Variants in PPP2R5A observed in about 807,000 individuals in gnomAD.
The protein encoded by PPP2R5A is serine/threonine-protein phosphatase 2A 56 kDa regulatory subunit alpha isoform.
PPP2R5A carries 25 observed loss-of-function variants against 64.2 expected under a neutral mutation model. That is an observed-to-expected ratio of 0.39 (90% CI 0.28 to 0.54). PPP2R5A has a LOEUF of 0.54. PPP2R5A is among the 20% of genes least tolerant of loss of function. PPP2R5A has a pLI of 0.67. For synonymous variants in PPP2R5A, 198 were observed against 201.2 expected (o/e 0.98, Z 0.13); for missense variants, 425 against 576.3 (o/e 0.74, Z 2.69).
Position 212,329,170 on chromosome 1 carries a change from C to A in PPP2R5A, c.217C>A (p.Gln73Lys). The A allele has an allele frequency of 6.4e-7, 1 of 1,553,030 alleles. No homozygotes were observed. The highest frequency in any genetic ancestry group is 1.3e-5 in the South Asian group (1 of 79,100). Residue 73 changes from glutamine (Q) to lysine (K), a missense_variant, in exon 2 of 13, where the codon CAG (glutamine) becomes AAG (lysine). Physicochemically the swap from Gln to Lys is moderately conservative, Grantham distance 53. This residue lies in a region of PPP2R5A where 104 missense variants were observed against 95.7 expected (regional missense o/e 1.09). Transcript: ENST00000261461. The part of the protein sequence containing the change: ...TSNEQQELFC[Q>K]KLQQCCILFD... Reference sequence around the variant, plus strand: ...AAATGAACAACAAGAGCTTTTCTGTCAGAAGTTGCAGCAGTGTTGTATACT... The same window carrying A: ...AAATGAACAACAAGAGCTTTTCTGTAAGAAGTTGCAGCAGTGTTGTATACT...
intron 12 of PPP2R5A, among the ~76,000 whole-genome samples, chr1:212,359,265 T>C (rs1485985771): frequency 1.3e-5 from 2 of 152,250 alleles, no homozygotes; most frequent in Non-Finnish European, 2.9e-5. Context: ...AAGTGTTCTT[T>C]GTTAGCAGTA....
chr1:212,338,116 A>G (rs1307423580), intron 3 of PPP2R5A, among the ~76,000 whole-genome samples: 1 of 151,932 alleles, frequency 6.6e-6, no homozygotes, highest in East Asian at 1.9e-4. Context: ...TATAGGTCTT[A>G]TTTTTCAGAT....
intron 1 of PPP2R5A, among the ~76,000 whole-genome samples, chr1:212,323,427 T>C (rs950796235): frequency 2.0e-5 from 3 of 152,362 alleles, no homozygotes; most frequent in Middle Eastern, 3.4e-3. Context: ...GACTGCTCAA[T>C]AGACATTATA....
rs555678929 is a variant in PPP2R5A at position 212,316,305 on chromosome 1, G to C, written c.182-12830G>C. ...GAAGGACATTAAAAGTGCTACTCCAGTGACCGCATGAATGATAGGAAAGCA... is the reference window on the plus strand; with the variant it reads ...GAAGGACATTAAAAGTGCTACTCCACTGACCGCATGAATGATAGGAAAGCA... On this transcript the variant is annotated intron_variant, in intron 1 of 12. Transcript: ENST00000261461. Among the ~76,000 whole-genome samples, 4 of 152,328 alleles carry C rather than the reference G, an allele frequency of 2.6e-5. No individual in the cohort carries two copies. The East Asian group carries it at 7.7e-4, about 29-fold the overall frequency.
At chr1:212,346,282 A>G (rs1315596050) in intron 5 of PPP2R5A, among the ~76,000 whole-genome samples, 1 of 151,990 alleles carries the variant, frequency 6.6e-6, no homozygotes, top group African/African-American at 2.4e-5. Flanking sequence ...AACGTAGTAT[A>G]TATGTAACAT....
chr1:212,296,244 G>C (rs1407184263), intron 1 of PPP2R5A, among the ~76,000 whole-genome samples: 1 of 151,828 alleles, frequency 6.6e-6, no homozygotes, highest in African/African-American at 2.4e-5. Flanking sequence ...ATCAGGTATA[G>C]AGGGAAAATC....
At position 212,331,167 on chromosome 1, in the gene PPP2R5A, C is replaced by CA. The variant is rs10712005; in HGVS notation, c.378+1854dup. Among the ~76,000 whole-genome samples the CA allele has an allele frequency of 2.1e-3, 239 of 112,152 alleles. 1 individual carries two copies. Among genetic ancestry groups the CA allele is most frequent in the Middle Eastern group, 0.013 (3 of 236 alleles). 73.6% of individuals were successfully genotyped at this position (112,152 alleles called of 152,430 possible). ...TGGGCGACAGAATGAGACCTTGTCT[C>CA]AAAAAAAAAAAAAAAAAAGAGAGTG... On this transcript the variant is annotated intron_variant, in intron 2 of 12. Coordinates refer to ENST00000261461, the MANE Select transcript of PPP2R5A (RefSeq NM_006243.4).
At chr1:212,332,668 C>T (rs900640977) in intron 2 of PPP2R5A, among the ~76,000 whole-genome samples, 2 of 151,952 alleles carry the variant, frequency 1.3e-5, no homozygotes, top group Non-Finnish European at 2.9e-5. Context: ...GGCATTCTAC[C>T]CTCACTCACC....
At position 212,329,120 on chromosome 1, in the gene PPP2R5A, T is replaced by C; in HGVS notation, c.182-15T>C. ...AGTAGGTTATTTCTAAGTTTTTCTT[T>C]ATTTTTATTTATAGATGCCACTTCA... On this transcript the variant is annotated splice_polypyrimidine_tract_variant and intron_variant, in intron 1 of 12. Coordinates refer to ENST00000261461, the MANE Select transcript of PPP2R5A (RefSeq NM_006243.4). The C allele has an allele frequency of 6.8e-7, 1 of 1,464,930 alleles. No individual in the cohort carries two copies. Among genetic ancestry groups the C allele is most frequent in the Non-Finnish European group, 9.1e-7 (1 of 1,103,156 alleles). The allele number at this position is 1,464,930 out of a possible 1,614,324, so 90.7% of individuals were successfully genotyped here.
At chr1:212,331,196 CT>C (rs1422576638) in intron 2 of PPP2R5A, among the ~76,000 whole-genome samples, 1 of 148,236 alleles carries the variant, frequency 6.7e-6, no homozygotes, top group African/African-American at 2.5e-5. Flanking sequence ...GAGAGTGTCT[CT>C]TTTCCCAGGC....
intron 2 of PPP2R5A, among the ~76,000 whole-genome samples, chr1:212,331,196 CTT>C (rs1422576638): frequency 6.7e-6 from 1 of 148,236 alleles, no homozygotes; most frequent in Non-Finnish European, 1.5e-5. Context: ...GAGAGTGTCT[CTT>C]TTCCCAGGCT....
At chr1:212,308,620 G>A (rs921141957) in intron 1 of PPP2R5A, among the ~76,000 whole-genome samples, 1 of 151,988 alleles carries the variant, frequency 6.6e-6, no homozygotes, top group Non-Finnish European at 1.5e-5. Context: ...TGCTGGCTAG[G>A]CTGGTCTCAA....
chr1:212,353,878 A>G (rs1399182876), intron 8 of PPP2R5A, among the ~76,000 whole-genome samples: 1 of 152,150 alleles, frequency 6.6e-6, no homozygotes, highest in African/African-American at 2.4e-5. Flanking sequence ...CTGCATAATG[A>G]CATTTCGTTT....
At chr1:212,309,200 G>A in intron 1 of PPP2R5A, 2 of 1,373,586 alleles carry the variant, frequency 1.5e-6, no homozygotes, top group Non-Finnish European at 2.0e-6. Context: ...TTAATCTGGT[G>A]CTTGTTGGCT....
At chr1:212,358,957 A>G (rs1660033762) in intron 12 of PPP2R5A, among the ~76,000 whole-genome samples, 170 bp downstream of exon 12, 1 of 152,228 alleles carries the variant, frequency 6.6e-6, no homozygotes, top group Non-Finnish European at 1.5e-5. Flanking sequence ...TCATTTCCAG[A>G]TAAACTAGCC....
intron 1 of PPP2R5A, among the ~76,000 whole-genome samples, chr1:212,296,622 G>T (rs1012308537): frequency 2.6e-5 from 4 of 152,172 alleles, no homozygotes. Context: ...GGGACAAGTT[G>T]CCTGAATAAG....
intron 9 of PPP2R5A, 44 bp downstream of exon 9, chr1:212,356,720 T>C (rs772208451): frequency 1.3e-6 from 2 of 1,583,244 alleles, no homozygotes; most frequent in Non-Finnish European, 1.7e-6. Flanking sequence ...CTAGAACTTG[T>C]CAATCCCAGG....
In PPP2R5A at chr1:212,285,960, G is replaced by A. The variant is rs1484660144; in HGVS notation, c.-151G>A. 2 of 721,760 alleles carry A rather than the reference G, an allele frequency of 2.8e-6. No homozygotes were observed. Among genetic ancestry groups the A allele is most frequent in the African/African-American group, 1.9e-5 (1 of 53,188 alleles). The allele number at this position is 721,760 out of a possible 1,614,324, so 44.7% of individuals were successfully genotyped here. A position where few individuals can be genotyped will look rare whatever the true frequency, so the allele number is the denominator to read the frequency against. ...AGGCGTTGGCGGGCGGCGAGGAGAA[G>A]CTCGGCGGCGTCCCGGGGCCGGAGG... On this transcript the variant is annotated 5_prime_UTR_variant, in exon 1 of 13. Coordinates refer to ENST00000261461, the MANE Select transcript of PPP2R5A (RefSeq NM_006243.4).
chr1:212,342,672 GA>G (rs918890172), intron 4 of PPP2R5A, among the ~76,000 whole-genome samples: 3 of 151,990 alleles, frequency 2.0e-5, no homozygotes, highest in Admixed American at 6.6e-5. Flanking sequence ...AATGACGGGG[GA>G]AAAAAGGAGT....
Sources: allele counts gnomAD v4.1 joint callset (sites outside exome capture counted in the v4.1 genomes callset), GRCh38; gene constraint gnomAD v4.1.1; regional missense constraint gnomAD v4.1.1; transcripts MANE v1.5; gene names NCBI Gene and HGNC (gene_info 2026-07-23, HGNC 2026-07-21).